PRKX: variants seen among roughly 807,000 people sequenced by gnomAD.
PRKX encodes the protein cAMP-dependent protein kinase catalytic subunit PRKX.
Under a neutral mutation model 22.0 loss-of-function variants are expected in PRKX, and 12 were observed. The observed-to-expected ratio is 0.54, with a 90% confidence interval of 0.35 to 0.88. PRKX has a LOEUF of 0.88. Ranked by LOEUF, PRKX falls within the 40% of genes least tolerant of loss-of-function variation. The pLI is 0.01. For synonymous variants in PRKX, 134 were observed against 137.7 expected, an observed-to-expected ratio of 0.97 and a Z score of 0.19; for missense variants, 217 against 308.0, an observed-to-expected ratio of 0.70 and a Z score of 2.21.
chrX:3,620,384 G>A (rs1926529084), intron 6 of PRKX, among the ~76,000 whole-genome samples: 1 of 112,265 alleles, frequency 8.9e-6, no homozygotes, highest in South Asian at 3.7e-4. Flanking sequence ...CCAGAACACC[G>A]AACCCTACAG....
intron 1 of PRKX, among the ~76,000 whole-genome samples, chrX:3,686,141 C>A (rs186866253): frequency 9.0e-6 from 1 of 111,561 alleles, no homozygotes; most frequent in Admixed American, 9.6e-5. Context: ...TTCATGAGGA[C>A]CTGTGGGCTG....
chrX:3,674,346 A>G (rs1476211441), intron 2 of PRKX, among the ~76,000 whole-genome samples: 2 of 111,768 alleles, frequency 1.8e-5, no homozygotes. Flanking sequence ...CCAGGAGAGG[A>G]GCAAGGGGCC....
In PRKX at chrX:3,707,093, AC is replaced by A. The variant is rs778230533; in HGVS notation, c.166+5994del. On this transcript the variant is annotated intron_variant, in intron 1 of 8. Coordinates refer to ENST00000262848, the MANE Select transcript of PRKX (RefSeq NM_005044.5). ...AGTGAGCTGTTGATTGCACCACGGCACCCCAGCCTGGGCGACAGAGTAAGAC... is the reference window on the plus strand; with the variant it reads ...AGTGAGCTGTTGATTGCACCACGGCACCCAGCCTGGGCGACAGAGTAAGAC... Among the ~76,000 whole-genome samples the A allele has an allele frequency of 1.7e-3, 189 of 111,484 alleles. 3 individuals carry two copies. The highest frequency in any genetic ancestry group is 5.9e-3 in the African/African-American group (182 of 30,698).
At chrX:3,610,727 CTTT>C (rs1160742161) in intron 8 of PRKX, among the ~76,000 whole-genome samples, 1 of 110,338 alleles carries the variant, frequency 9.1e-6, no homozygotes, top group Non-Finnish European at 1.9e-5. Flanking sequence ...CTTTTTTGTT[CTTT>C]AAGTAAATTT....
intron 1 of PRKX, among the ~76,000 whole-genome samples, chrX:3,700,048 A>G (rs1177920392): frequency 1.8e-5 from 2 of 111,766 alleles, no homozygotes; most frequent in Non-Finnish European, 3.8e-5. Flanking sequence ...GAGCTCAATC[A>G]GAGCCTAATA....
chrX:3,700,635 A>G (rs1384402695), intron 1 of PRKX, among the ~76,000 whole-genome samples: 2 of 108,584 alleles, frequency 1.8e-5, no homozygotes, highest in Non-Finnish European at 3.8e-5. Flanking sequence ...CTGGAGTACA[A>G]TGGTGCAATC....
intron 4 of PRKX, among the ~76,000 whole-genome samples, chrX:3,627,195 G>A (rs1603473329): frequency 2.7e-5 from 3 of 109,141 alleles, no homozygotes; most frequent in South Asian, 4.0e-4. Flanking sequence ...CAGTCTGGCC[G>A]ACATGGTGAA....
intron 1 of PRKX, among the ~76,000 whole-genome samples, chrX:3,697,570 C>T (rs1928469109): frequency 1.9e-5 from 2 of 106,608 alleles, no homozygotes; most frequent in African/African-American, 3.5e-5. Flanking sequence ...TTTTAAGATG[C>T]GGTCTCACTC....
chrX:3,615,669 G>A (rs1462649242), intron 7 of PRKX, 146 bp downstream of exon 7: 1 of 520,603 alleles, frequency 1.9e-6, no homozygotes, highest in African/African-American at 2.4e-5. Flanking sequence ...TGGGGAACTT[G>A]GCTTATGAAC....
In PRKX at chrX:3,652,687, TG is replaced by T. The variant is rs775592124; in HGVS notation, c.599+2461del. Among the ~76,000 whole-genome samples, 10 of 112,339 alleles carry T rather than the reference TG, an allele frequency of 8.9e-5. No individual in the cohort carries two copies. The South Asian group carries it at 3.3e-3, about 37-fold the overall frequency. Reference sequence around the variant, plus strand: ...TATATATACTTGTTCCAGGCTGAAATGTATCCCTTAAACCTTATATGCTGCA... The same window carrying T: ...TATATATACTTGTTCCAGGCTGAAATTATCCCTTAAACCTTATATGCTGCA... On this transcript the variant is annotated intron_variant, in intron 3 of 8. Coordinates refer to ENST00000262848, the MANE Select transcript of PRKX (RefSeq NM_005044.5).
Position 3,647,525 on chromosome X carries a change from TTAA to T in PRKX, c.600-5557_600-5555del, listed in dbSNP as rs201440092. ...TTATATTAGTAATTAACACATTACA[TTAA>T]TATCTTTATGTATTAAATTTATATA... On this transcript the variant is annotated intron_variant, in intron 3 of 8. Coordinates refer to ENST00000262848, the MANE Select transcript of PRKX (RefSeq NM_005044.5). Among the ~76,000 whole-genome samples, 983 of 105,604 alleles carry T rather than the reference TTAA, an allele frequency of 9.3e-3. 10 individuals are homozygous for T. The highest frequency in any genetic ancestry group is 0.031 in the African/African-American group (930 of 29,598). The allele number at this position is 105,604 out of a possible 115,157, so 91.7% of individuals were successfully genotyped here. A position where few individuals can be genotyped will look rare whatever the true frequency, so the allele number is the denominator to read the frequency against.
At chrX:3,700,180 C>T (rs746507254) in intron 1 of PRKX, among the ~76,000 whole-genome samples, 14 of 112,060 alleles carry the variant, frequency 1.2e-4, no homozygotes, top group Non-Finnish European at 2.6e-4. Context: ...CTTCTAGGAC[C>T]CTCTGGCTTG....
rs1047321773 is a variant in PRKX, at chrX:3,606,033, T to C, written c.*2936A>G. 1 of 112,441 alleles carries C rather than the reference T, an allele frequency of 8.9e-6. No individual in the cohort carries two copies. The highest frequency in any genetic ancestry group is 1.9e-5 in the Non-Finnish European group (1 of 53,345). The allele number at this position is 112,441 out of a possible 1,213,427, so 9.3% of individuals were successfully genotyped here. A position where few individuals can be genotyped will look rare whatever the true frequency, so the allele number is the denominator to read the frequency against. On this transcript the variant is annotated 3_prime_UTR_variant, in exon 9 of 9. Transcript: ENST00000262848. ...ATCAATGCCTATGAAAGCAGGCCGGTGGCATTTCCCTTCAGAAAAACAAGA... is the reference window on the plus strand; with the variant it reads ...ATCAATGCCTATGAAAGCAGGCCGGCGGCATTTCCCTTCAGAAAAACAAGA...
chrX:3,701,655 A>C (rs147657462), intron 1 of PRKX, among the ~76,000 whole-genome samples: 1 of 112,130 alleles, frequency 8.9e-6, no homozygotes, highest in Admixed American at 9.5e-5. Flanking sequence ...GTTGGGCTGC[A>C]TGCCCAGATG....
intron 4 of PRKX, among the ~76,000 whole-genome samples, chrX:3,637,207 T>A (rs1402160185): frequency 9.1e-6 from 1 of 110,273 alleles, no homozygotes; most frequent in African/African-American, 3.3e-5. Context: ...TCAGGCTTCC[T>A]GGCACGTTTA....
At chrX:3,706,763 G>A (rs1410641649) in intron 1 of PRKX, among the ~76,000 whole-genome samples, 1 of 112,039 alleles carries the variant, frequency 8.9e-6, no homozygotes, top group Non-Finnish European at 1.9e-5. Flanking sequence ...TCCCGGGGAG[G>A]AGGCAGCGTG....
chrX:3,701,299 T>C lies in PRKX; in HGVS notation c.166+11789A>G, dbSNP rs751046732. Among the ~76,000 whole-genome samples the C allele has an allele frequency of 8.1e-5, 9 of 111,246 alleles. No individual in the cohort carries two copies. In the East Asian group the frequency reaches 2.0e-3, roughly 25 times the overall value. On this transcript the variant is annotated intron_variant, in intron 1 of 8. Transcript: ENST00000262848. Reference sequence around the variant, plus strand: ...GATTTTATTTTTTGTAAAGACAAGGTCTCACTATGTTGTCCAGGCTAGTCT... The same window carrying C: ...GATTTTATTTTTTGTAAAGACAAGGCCTCACTATGTTGTCCAGGCTAGTCT...
chrX:3,671,958 A>G (rs1276232009), intron 2 of PRKX, among the ~76,000 whole-genome samples: 1 of 112,060 alleles, frequency 8.9e-6, no homozygotes, highest in Non-Finnish European at 1.9e-5. Flanking sequence ...CCCTGTTCAT[A>G]GAGAAAAAAC....
At chrX:3,623,620 T>C (rs1425821655) in intron 5 of PRKX, among the ~76,000 whole-genome samples, 2 of 111,266 alleles carry the variant, frequency 1.8e-5, no homozygotes, top group East Asian at 5.7e-4. Flanking sequence ...GTAAAGAGTA[T>C]GGATGAGAAG....
Sources: allele counts gnomAD v4.1 joint callset (sites outside exome capture counted in the v4.1 genomes callset), GRCh38; gene constraint gnomAD v4.1.1; transcripts MANE v1.5; gene names NCBI Gene and HGNC (gene_info 2026-07-23, HGNC 2026-07-21).